FAT1: variants seen among roughly 807,000 people sequenced by gnomAD.
FAT1 encodes protocadherin Fat 1.
In FAT1, 171 loss-of-function variants were observed where a neutral mutation model predicts 329.8. The observed-to-expected ratio is 0.52, with a 90% confidence interval of 0.46 to 0.59. FAT1 has a LOEUF of 0.59. Ranked by LOEUF, FAT1 falls within the 20% of genes least tolerant of loss-of-function variation. FAT1 has a pLI of 0.00. For synonymous variants in FAT1, 2,233 were observed against 2,228.6 expected, an observed-to-expected ratio of 1.00 and a Z score of -0.06; for missense variants, 5,672 against 5,774.4, an observed-to-expected ratio of 0.98 and a Z score of 0.57.
At position 186,603,028 on chromosome 4, in the gene FAT1, C is replaced by T. The variant is rs775573571; in HGVS notation, c.11357G>A (p.Arg3786Lys). 19 of 1,613,904 alleles carry T rather than the reference C, an allele frequency of 1.2e-5. No individual in the cohort carries two copies. Among genetic ancestry groups the T allele is most frequent in the Non-Finnish European group, 1.5e-5 (18 of 1,179,858 alleles). ...RAAVCLCKEG[R>K]CPPVHHGCED... ...ACAGCCATGGTGGACAGGTGGGCAC[C>T]TTCCCTCTTCATTCAAAGAGGGGAG... Residue 3786 changes from arginine (R) to lysine (K), a missense_variant, in exon 20 of 27, where the codon AGG becomes AAG. Physicochemically the swap from Arg to Lys is conservative, Grantham distance 26. Around this residue, in one of 2 missense-constraint regions of FAT1, gnomAD observed 1,706 missense variants for 1,859.1 expected, o/e 0.92. Transcript: ENST00000441802.
At chr4:186,640,120 C>A (rs936589746) in intron 3 of FAT1, among the ~76,000 whole-genome samples, 1 of 152,038 alleles carries the variant, frequency 6.6e-6, no homozygotes, top group African/African-American at 2.4e-5. Context: ...AAGTGAGACT[C>A]CATCTCAAAA....
rs371284855 is a variant in FAT1 at position 186,636,712 on chromosome 4, C to T, written c.3845G>A (p.Gly1282Asp). The change falls in exon 5 of 27, where the codon GGC (glycine) becomes GAC (aspartate). Residue 1282 changes from glycine (G) to aspartate (D), a missense_variant. Gly to Asp is a moderately conservative substitution (Grantham distance 94). Coordinates refer to ENST00000441802, the MANE Select transcript of FAT1 (RefSeq NM_005245.4). ...GCTGTAGGAGATTTCTGCATTGGGGCCCTCATCCTTGTCGGTGGCTATGAC... is the reference window on the plus strand; with the variant it reads ...GCTGTAGGAGATTTCTGCATTGGGGTCCTCATCCTTGTCGGTGGCTATGAC... ...YHVIATDKDE[G>D]PNAEISYSIE... The T allele has an allele frequency of 1.9e-5, 31 of 1,613,738 alleles. No individual in the cohort carries two copies. The highest frequency in any genetic ancestry group is 1.6e-4 in the African/African-American group (12 of 74,888).
At chr4:186,705,376 A>G (rs2126679928) in intron 2 of FAT1, among the ~76,000 whole-genome samples, 1 of 152,296 alleles carries the variant, frequency 6.6e-6, no homozygotes, top group Non-Finnish European at 1.5e-5. Context: ...CTGAATATAT[A>G]AAGTTTAAAG....
At position 186,719,295 on chromosome 4, in the gene FAT1, C is replaced by T. The variant is rs372695179; in HGVS notation, c.-19+4369G>A. Among the ~76,000 whole-genome samples, 3 of 152,138 alleles carry T rather than the reference C, an allele frequency of 2.0e-5. No homozygotes were observed. In the South Asian group the frequency reaches 6.2e-4, roughly 32 times the overall value. On this transcript the variant is annotated intron_variant, in intron 1 of 26. Transcript: ENST00000441802. ...ATCAAACCTAAGTTATACGATTGGCCTTCACTATATAAGAGTTCTGCATCC... is the reference window on the plus strand; with the variant it reads ...ATCAAACCTAAGTTATACGATTGGCTTTCACTATATAAGAGTTCTGCATCC...
rs1398784936 is a variant in FAT1 at position 186,588,532 on chromosome 4, CG to C, written c.*59del. On this transcript the variant is annotated 3_prime_UTR_variant, in exon 27 of 27. Coordinates refer to ENST00000441802, the MANE Select transcript of FAT1 (RefSeq NM_005245.4). ...GGAAGCACTGCTGCAAAGAACAGCG[CG>C]GATTACTCACATCACCTCTAGGTTC... 1 of 1,546,572 alleles carries C rather than the reference CG, an allele frequency of 6.5e-7. No homozygotes were observed. Among genetic ancestry groups the C allele is most frequent in the African/African-American group, 1.4e-5 (1 of 73,298 alleles).
chr4:186,595,672 G>C lies in FAT1; in HGVS notation c.13138+17C>G. On this transcript the variant is annotated intron_variant, in intron 26 of 26. Coordinates refer to ENST00000441802, the MANE Select transcript of FAT1 (RefSeq NM_005245.4). ...CAAGCAAGCAAAGCGCAGTGTTGCA[G>C]CACACTGCTGCCTCACCATTGTCAT... 1 of 1,613,296 alleles carries C rather than the reference G, an allele frequency of 6.2e-7. No individual in the cohort carries two copies.
At chr4:186,627,587 T>G (rs1740376873) in intron 9 of FAT1, among the ~76,000 whole-genome samples, 1 of 152,048 alleles carries the variant, frequency 6.6e-6, no homozygotes, top group African/African-American at 2.4e-5. Context: ...TGGGGTCTAG[T>G]CCTCAACCCA....
rs538469650 is a variant in FAT1 at position 186,679,404 on chromosome 4, G to A, written c.3266-15791C>T. ...TGCACTCCAGCCTGGGTGACAGAGT[G>A]AGACTCTGTCTCAAAAAAAAAAAAA... On this transcript the variant is annotated intron_variant, in intron 2 of 26. Coordinates refer to ENST00000441802, the MANE Select transcript of FAT1 (RefSeq NM_005245.4). 2.4e-3 allele frequency among the ~76,000 whole-genome samples: 302 copies of A among 123,938 alleles called. 2 individuals carry two copies. The highest frequency in any genetic ancestry group is 8.6e-3 in the African/African-American group (282 of 32,812). 81.3% of individuals were successfully genotyped at this position (123,938 alleles called of 152,430 possible).
At chr4:186,695,357 G>C (rs1310406631) in intron 2 of FAT1, among the ~76,000 whole-genome samples, 1 of 152,170 alleles carries the variant, frequency 6.6e-6, no homozygotes, top group African/African-American at 2.4e-5. Flanking sequence ...TCACAAAGGA[G>C]GCTGCTCCTA....
rs752874782 is a variant in FAT1, at chr4:186,617,175, C to T, written c.8905G>A (p.Val2969Ile). ...TGGDPLGQFA[V>I]ETIQNEWKVY... The stretch of plus-strand genomic sequence containing the variant: ...TTCCATTCATTCTGTATAGTTTCAA[C>T]GGCAAACTGTCCTAAAGGATCCCCT... The change falls in exon 11 of 27, where the codon GTT becomes ATT. Residue 2969 changes from valine to isoleucine, a missense_variant. Around this residue, in one of 2 missense-constraint regions of FAT1, gnomAD observed 3,966 missense variants for 3,915.2 expected, o/e 1.01. Transcript: ENST00000441802. 57 of 1,609,912 alleles carry T rather than the reference C, an allele frequency of 3.5e-5. No homozygotes were observed. The highest frequency in any genetic ancestry group is 8.9e-5 in the South Asian group (8 of 90,228).
At chr4:186,622,329 T>C (rs1740085601) in intron 9 of FAT1, among the ~76,000 whole-genome samples, 1 of 152,230 alleles carries the variant, frequency 6.6e-6, no homozygotes, top group South Asian at 2.1e-4. Flanking sequence ...TTCTTATCTT[T>C]TTCAGGTCAA....
At chr4:186,726,284 C>A (rs1275327817), upstream of FAT1, 1 of 152,310 alleles carries the variant, frequency 6.6e-6, no homozygotes, top group Non-Finnish European at 1.5e-5. Flanking sequence ...GAGCCACACA[C>A]CCCACGTAAT....
chr4:186,598,357 T>A (rs1043728008), intron 22 of FAT1, among the ~76,000 whole-genome samples: 6 of 152,154 alleles, frequency 3.9e-5, no homozygotes, highest in African/African-American at 1.4e-4. Flanking sequence ...TAATCTGCAT[T>A]AAGATCACTA....
Position 186,719,247 on chromosome 4 carries a change from C to T in FAT1, c.-19+4417G>A, listed in dbSNP as rs114333945. On this transcript the variant is annotated intron_variant, in intron 1 of 26. Coordinates refer to ENST00000441802, the MANE Select transcript of FAT1 (RefSeq NM_005245.4). ...CAGCTCTAACCTCTCTCAAACACCTCGTAACATTCCTCCTAAAATACCATC... is the reference window on the plus strand; with the variant it reads ...CAGCTCTAACCTCTCTCAAACACCTTGTAACATTCCTCCTAAAATACCATC... 9.2e-3 allele frequency among the ~76,000 whole-genome samples: 1,405 copies of T among 152,320 alleles called. 10 individuals are homozygous for T. Among genetic ancestry groups the T allele is most frequent in the Non-Finnish European group, 0.014 (924 of 68,038 alleles).
rs1398586717 is a variant in FAT1 at position 186,617,714 on chromosome 4, T to C, written c.8872A>G (p.Ile2958Val). 3 of 1,559,346 alleles carry C rather than the reference T, an allele frequency of 1.9e-6. No individual in the cohort carries two copies. The highest frequency in any genetic ancestry group is 2.8e-5 in the African/African-American group (2 of 72,654). ...TGGTATGAATTTTTTTTACCTGTTA[T>C]GAAATATGTAACTTGTCTGTTGATC... ...EEINRQVTYF[I>V]TGGDPLGQFA... The change falls in exon 10 of 27, where the codon ATA (isoleucine) becomes GTA (valine). Residue 2958 changes from isoleucine to valine, a missense_variant. Physicochemically the swap from Ile to Val is conservative, Grantham distance 29. Transcript: ENST00000441802.
At chr4:186,612,192 T>C (rs904328467) in intron 13 of FAT1, among the ~76,000 whole-genome samples, 1 of 152,084 alleles carries the variant, frequency 6.6e-6, no homozygotes, top group Non-Finnish European at 1.5e-5. Context: ...CAAATTTGTA[T>C]GACTATGACC....
At chr4:186,685,392 T>C (rs1743414460) in intron 2 of FAT1, among the ~76,000 whole-genome samples, 1 of 152,180 alleles carries the variant, frequency 6.6e-6, no homozygotes, top group Non-Finnish European at 1.5e-5. Flanking sequence ...CACCATAAAA[T>C]ATATGAAGGT....
At chr4:186,602,881 T>C (rs1243122795) in intron 20 of FAT1, 22 bp downstream of exon 20, 10 of 1,598,254 alleles carry the variant, frequency 6.3e-6, no homozygotes, top group African/African-American at 1.3e-5. Context: ...AATAAAAGTA[T>C]ACCCAACCAT....
chr4:186,592,705 C>T (rs1056831026), intron 26 of FAT1: 24 of 456,568 alleles, frequency 5.3e-5, no homozygotes, highest in Admixed American at 1.2e-4. Flanking sequence ...TCTGTGCTCA[C>T]CGTGTCAACC....
Sources: allele counts gnomAD v4.1 joint callset (sites outside exome capture counted in the v4.1 genomes callset), GRCh38; gene constraint gnomAD v4.1.1; regional missense constraint gnomAD v4.1.1; transcripts MANE v1.5; gene names NCBI Gene and HGNC (gene_info 2026-07-23, HGNC 2026-07-21).